Variants in NEMF observed in about 807,000 individuals in gnomAD.
The protein encoded by NEMF is nuclear export mediator factor, also known as ribosome quality control complex subunit NEMF.
Under a neutral mutation model 162.2 loss-of-function variants are expected in NEMF, and 89 were observed. The ratio of observed to expected loss-of-function variants is 0.55; its 90% CI spans 0.46 to 0.65. The LOEUF (loss-of-function observed/expected upper bound fraction) is 0.65, where lower values mean the gene tolerates loss of function less well. Among genes scored for constraint, NEMF ranks in the 30% least tolerant of loss-of-function variants. The probability of loss-of-function intolerance (pLI) is 0.00; values close to 1 mark genes in which losing one functional copy is unlikely to be tolerated. For missense variants in NEMF, 1,133 were observed against 1,261.9 expected (o/e 0.90, Z 1.55); for synonymous variants, 421 against 404.5 (o/e 1.04, Z -0.49).
intron 22 of NEMF, among the ~76,000 whole-genome samples, chr14:49,802,180 C>A (rs560810837): frequency 9.9e-5 from 15 of 151,800 alleles, no homozygotes; most frequent in African/African-American, 3.1e-4. Context: ...CTCCTGAGCT[C>A]TAGCAATCCA....
chr14:49,851,209 C>A (rs1484931082), intron 3 of NEMF, among the ~76,000 whole-genome samples: 1 of 151,872 alleles, frequency 6.6e-6, no homozygotes. Flanking sequence ...TTCTCAAAAA[C>A]GAACAAAAAA....
intron 3 of NEMF, among the ~76,000 whole-genome samples, chr14:49,850,738 A>G (rs910653829): frequency 1.3e-5 from 2 of 152,138 alleles, no homozygotes; most frequent in African/African-American, 4.8e-5. Context: ...CTGACTGGGT[A>G]CAGAGGAATA....
chr14:49,798,020 A>T (rs1890772082), intron 25 of NEMF, among the ~76,000 whole-genome samples: 1 of 152,200 alleles, frequency 6.6e-6, no homozygotes, highest in African/African-American at 2.4e-5. Flanking sequence ...GAGTGCAGGT[A>T]TGTGTGCCCT....
chr14:49,846,704 ATCC>A (rs1424645857), intron 3 of NEMF, among the ~76,000 whole-genome samples: 1 of 152,192 alleles, frequency 6.6e-6, no homozygotes, highest in African/African-American at 2.4e-5. Context: ...GGCACAAGCA[ATCC>A]TCCTGCCTTG....
intron 5 of NEMF, among the ~76,000 whole-genome samples, chr14:49,839,995 C>A (rs1228306464): frequency 6.6e-6 from 1 of 152,030 alleles, no homozygotes; most frequent in Non-Finnish European, 1.5e-5. Flanking sequence ...CCCATGTCTA[C>A]AAAAAAATTT....
At chr14:49,828,085 G>C (rs1892451073) in intron 15 of NEMF, among the ~76,000 whole-genome samples, 1 of 152,224 alleles carries the variant, frequency 6.6e-6, no homozygotes, top group South Asian at 2.1e-4. Flanking sequence ...ACAGAAAAAT[G>C]AAGGTGTTAT....
chr14:49,784,827 C>G (rs769397421), intron 32 of NEMF, 98 bp downstream of exon 32: 71 of 1,398,226 alleles, frequency 5.1e-5, no homozygotes, highest in Middle Eastern at 1.9e-4. Context: ...TTTACTGCTT[C>G]TAATAAGACA....
chr14:49,826,034 A>AT (rs1892322862), intron 15 of NEMF, 79 bp from the exon 16 acceptor site: 2 of 878,022 alleles, frequency 2.3e-6, no homozygotes, highest in Non-Finnish European at 3.6e-6. Flanking sequence ...TGGGGCAAGA[A>AT]TTTTTTTAAA....
At chr14:49,785,841 C>T (rs1269550284) in intron 29 of NEMF, 2 of 148,606 alleles carry the variant, frequency 1.3e-5, no homozygotes, top group South Asian at 2.1e-4. Context: ...AGCCATGATC[C>T]TGTCACTGCA....
intron 17 of NEMF, among the ~76,000 whole-genome samples, chr14:49,814,504 T>C (rs1487776323): frequency 2.6e-5 from 4 of 152,244 alleles, no homozygotes; most frequent in African/African-American, 9.6e-5. Context: ...CTGAAAGTTA[T>C]TCTGTTAATG....
chr14:49,815,072 T>G (rs1566674690), intron 16 of NEMF, among the ~76,000 whole-genome samples: 1 of 152,142 alleles, frequency 6.6e-6, no homozygotes, highest in Non-Finnish European at 1.5e-5. Context: ...ATTCTATGTT[T>G]AAAAAAGTTA....
At chr14:49,803,384 A>G in intron 19 of NEMF, 90 bp from the exon 20 acceptor site, 1 of 825,000 alleles carries the variant, frequency 1.2e-6, no homozygotes, top group Non-Finnish European at 1.9e-6. Flanking sequence ...GTCAGAGTCA[A>G]GTAAGCCACA....
chr14:49,846,273 G>C lies in NEMF; in HGVS notation c.232-8C>G. 2 of 1,606,268 alleles carry C rather than the reference G, an allele frequency of 1.2e-6. No homozygotes were observed. The highest frequency in any genetic ancestry group is 1.7e-6 in the Non-Finnish European group (2 of 1,178,198). On this transcript the variant is annotated splice_polypyrimidine_tract_variant and splice_region_variant and intron_variant, in intron 3 of 32. Coordinates refer to ENST00000298310, the MANE Select transcript of NEMF (RefSeq NM_004713.6). ...CTTCAAATGTTTTCGGCACTAGCAAGAGAAAGAAAAAGGCATTCATTTAGT... is the reference window on the plus strand; with the variant it reads ...CTTCAAATGTTTTCGGCACTAGCAACAGAAAGAAAAAGGCATTCATTTAGT...
intron 18 of NEMF, 105 bp downstream of exon 18, chr14:49,813,883 C>A: frequency 2.9e-6 from 2 of 695,500 alleles, no homozygotes; most frequent in Non-Finnish European, 5.2e-6. Flanking sequence ...GGATTACAGG[C>A]ATGAGCCACC....
chr14:49,789,716 C>A, intron 26 of NEMF, 143 bp from the exon 27 acceptor site: 1 of 1,218,354 alleles, frequency 8.2e-7, no homozygotes. Flanking sequence ...AATATGAAGG[C>A]TACAAAGTTG....
intron 8 of NEMF, 82 bp downstream of exon 8, chr14:49,833,341 T>C (rs1239485056): frequency 6.7e-6 from 5 of 746,926 alleles, no homozygotes; most frequent in East Asian, 5.2e-5. Flanking sequence ...AAAATGTATA[T>C]ATAATGATCC....
intron 26 of NEMF, among the ~76,000 whole-genome samples, chr14:49,790,360 A>G (rs1185836984): frequency 6.6e-6 from 1 of 152,190 alleles, no homozygotes. Flanking sequence ...AGACAGGACA[A>G]ACCAATTTTT....
In NEMF at chr14:49,840,816, C is replaced by A; in HGVS notation, c.408G>T (p.Arg136Ser). Residue 136 changes from arginine to serine, a missense_variant, in exon 5 of 33, where the codon AGG (arginine) becomes AGT (serine). Arg to Ser is a moderately radical substitution (Grantham distance 110). Transcript: ENST00000298310. Reference protein sequence around the residue: ...DYEYVILNILRFRTDEADDVK... With the variant: ...DYEYVILNILSFRTDEADDVK... The stretch of plus-strand genomic sequence containing the variant: ...CATCATCTGCCTCATCAGTTCGAAA[C>A]CTTAGAATATTTAAAATTACGTACT... 6.2e-7 allele frequency: 1 copy of A among 1,613,414 alleles called. No individual in the cohort carries two copies. Among genetic ancestry groups the A allele is most frequent in the Non-Finnish European group, 8.5e-7 (1 of 1,179,544 alleles).
At chr14:49,824,139 C>T (rs538348568) in intron 16 of NEMF, among the ~76,000 whole-genome samples, 2 of 152,098 alleles carry the variant, frequency 1.3e-5, no homozygotes, top group Non-Finnish European at 2.9e-5. Context: ...CACTGCACTC[C>T]AGCCTGGGCA....
Sources: allele counts gnomAD v4.1 joint callset (sites outside exome capture counted in the v4.1 genomes callset), GRCh38; gene constraint gnomAD v4.1.1; transcripts MANE v1.5; gene names NCBI Gene and HGNC (gene_info 2026-07-23, HGNC 2026-07-21).